Variants in ROBO2 observed in about 807,000 individuals in gnomAD.
ROBO2 encodes the protein roundabout homolog 2.
Under a neutral mutation model 160.8 loss-of-function variants are expected in ROBO2, and 53 were observed. That is an observed-to-expected ratio of 0.33 (90% CI 0.26 to 0.41). ROBO2 has a LOEUF of 0.41. ROBO2 is among the 10% of genes least tolerant of loss of function. The pLI, the probability that ROBO2 is intolerant of heterozygous loss-of-function variation, is 1.00. For synonymous variants in ROBO2, 664 were observed against 611.7 expected, an observed-to-expected ratio of 1.09 and a Z score of -1.26; for missense variants, 1,577 against 1,722.4, an observed-to-expected ratio of 0.92 and a Z score of 1.49.
chr3:77,306,560 T>C (rs2063111780), intron 2 of ROBO2, among the ~76,000 whole-genome samples: 1 of 152,164 alleles, frequency 6.6e-6, no homozygotes, highest in African/African-American at 2.4e-5. Context: ...TGTGACCCTG[T>C]CTTAAAGAGG....
intron 2 of ROBO2, among the ~76,000 whole-genome samples, chr3:76,276,358 G>C (rs1482394146): frequency 6.6e-6 from 1 of 151,942 alleles, no homozygotes; most frequent in East Asian, 1.9e-4. Context: ...TGAAAATTGA[G>C]AATTCATTGT....
At chr3:76,375,510 C>T (rs549326644) in intron 2 of ROBO2, among the ~76,000 whole-genome samples, 1 of 151,984 alleles carries the variant, frequency 6.6e-6, no homozygotes, top group Admixed American at 6.6e-5. Context: ...GCATCCTTAT[C>T]CTCAATAATT....
At chr3:77,645,397 A>C (rs2153725230) in intron 25 of ROBO2, among the ~76,000 whole-genome samples, 1 of 152,328 alleles carries the variant, frequency 6.6e-6, no homozygotes, top group African/African-American at 2.4e-5. Flanking sequence ...TTTTATAAAT[A>C]AATTTCCATT....
At chr3:77,358,644 A>C (rs1246539300) in intron 2 of ROBO2, among the ~76,000 whole-genome samples, 1 of 152,226 alleles carries the variant, frequency 6.6e-6, no homozygotes, top group East Asian at 1.9e-4. Context: ...ATCCACGTGC[A>C]TCTACGCAGG....
At chr3:76,362,007 A>C (rs1445553350) in intron 2 of ROBO2, among the ~76,000 whole-genome samples, 3 of 152,152 alleles carry the variant, frequency 2.0e-5, no homozygotes, top group African/African-American at 7.2e-5. Flanking sequence ...GGAGTGATTT[A>C]AATGAGTAAA....
At chr3:77,186,146 C>T (rs115408274) in intron 2 of ROBO2, among the ~76,000 whole-genome samples, 2,295 of 151,820 alleles carry the variant, frequency 0.015, 70 homozygotes, top group African/African-American at 0.052. Context: ...CTCATGTAAC[C>T]GAACACCATC....
intron 2 of ROBO2, among the ~76,000 whole-genome samples, chr3:76,990,646 T>C (rs2060613890): frequency 6.6e-6 from 1 of 152,120 alleles, no homozygotes; most frequent in Admixed American, 6.5e-5. Context: ...AGTTGTTAAC[T>C]ATCTCTCTAA....
At chr3:77,421,289 T>A in intron 2 of ROBO2, among the ~76,000 whole-genome samples, 1 of 152,190 alleles carries the variant, frequency 6.6e-6, no homozygotes, top group East Asian at 1.9e-4. Context: ...TTGTTTTATA[T>A]GGTTATCCCA....
At chr3:76,296,379 A>G (rs34260016) in intron 2 of ROBO2, among the ~76,000 whole-genome samples, 1 of 152,310 alleles carries the variant, frequency 6.6e-6, no homozygotes, top group East Asian at 1.9e-4. Context: ...CAGCAGCCAC[A>G]GGAAACTAAT....
chr3:77,299,555 C>G (rs924791208), intron 2 of ROBO2, among the ~76,000 whole-genome samples: 1 of 152,192 alleles, frequency 6.6e-6, no homozygotes, highest in South Asian at 2.1e-4. Flanking sequence ...GAAAAAGCCC[C>G]TTATAAAACC....
chr3:76,036,702 C>G (rs529142800), intron 2 of ROBO2, among the ~76,000 whole-genome samples: 4 of 151,406 alleles, frequency 2.6e-5, no homozygotes, highest in Non-Finnish European at 5.9e-5. Context: ...CGGGATTTCT[C>G]CATGTTGGTG....
intron 2 of ROBO2, among the ~76,000 whole-genome samples, chr3:76,494,468 G>T (rs955071320): frequency 6.6e-6 from 1 of 152,096 alleles, no homozygotes; most frequent in African/African-American, 2.4e-5. Flanking sequence ...TAAACTACGG[G>T]GGGAGGCTAA....
At chr3:77,110,947 G>A (rs1258067287) in intron 2 of ROBO2, among the ~76,000 whole-genome samples, 1 of 152,148 alleles carries the variant, frequency 6.6e-6, no homozygotes, top group East Asian at 1.9e-4. Flanking sequence ...AACTGCCTTG[G>A]TCTCCCAAAG....
intron 2 of ROBO2, among the ~76,000 whole-genome samples, chr3:76,043,699 T>C (rs1326999519): frequency 6.2e-5 from 9 of 144,128 alleles, no homozygotes; most frequent in Non-Finnish European, 9.0e-5. Context: ...CACTGCCACC[T>C]CTTTATGACC....
intron 2 of ROBO2, among the ~76,000 whole-genome samples, chr3:75,979,008 T>C (rs1470246986): frequency 6.6e-6 from 1 of 151,500 alleles, no homozygotes; most frequent in African/African-American, 2.4e-5. Context: ...TACTCTCAGC[T>C]GAGGGCAAAC....
At chr3:76,961,650 AT>A (rs1318556989) in intron 2 of ROBO2, among the ~76,000 whole-genome samples, 2 of 152,182 alleles carry the variant, frequency 1.3e-5, no homozygotes, top group Non-Finnish European at 2.9e-5. Context: ...GGCTTGGGTT[AT>A]TACACTTTCA....
intron 5 of ROBO2, among the ~76,000 whole-genome samples, chr3:77,514,623 T>G (rs2089796266): frequency 6.6e-6 from 1 of 151,898 alleles, no homozygotes; most frequent in Non-Finnish European, 1.5e-5. Context: ...AGTTATTTAC[T>G]GCTGTGCAAT....
chr3:76,985,332 C>T (rs1193793997), intron 2 of ROBO2, among the ~76,000 whole-genome samples: 1 of 151,806 alleles, frequency 6.6e-6, no homozygotes, highest in Non-Finnish European at 1.5e-5. Flanking sequence ...CCTGTAATCC[C>T]AGCACTTTGG....
chr3:76,638,876 A>G (rs1400451406), intron 2 of ROBO2, among the ~76,000 whole-genome samples: 1 of 152,176 alleles, frequency 6.6e-6, no homozygotes, highest in Non-Finnish European at 1.5e-5. Context: ...TCTTTTCTTT[A>G]GACTTGAAAG....
Sources: allele counts gnomAD v4.1 joint callset (sites outside exome capture counted in the v4.1 genomes callset), GRCh38; gene constraint gnomAD v4.1.1; transcripts MANE v1.5; gene names NCBI Gene and HGNC (gene_info 2026-07-23, HGNC 2026-07-21).